CADM2: variants seen among roughly 807,000 people sequenced by gnomAD.
The protein encoded by CADM2 is immunoglobulin superfamily member 4D.
A neutral mutation model predicts 49.8 loss-of-function variants in CADM2; 12 were observed. That is an observed-to-expected ratio of 0.24 (90% CI 0.15 to 0.39). CADM2 has a LOEUF of 0.39. CADM2 is among the 10% of genes least tolerant of loss of function. The probability of loss-of-function intolerance (pLI) is 1.00; values close to 1 mark genes in which losing one functional copy is unlikely to be tolerated. For missense variants in CADM2, 378 were observed against 492.3 expected, an observed-to-expected ratio of 0.77 and a Z score of 2.20; for synonymous variants, 214 against 175.4, an observed-to-expected ratio of 1.22 and a Z score of -1.74.
intron 1 of CADM2, among the ~76,000 whole-genome samples, chr3:85,115,700 AG>A (rs1203256559): frequency 1.3e-5 from 2 of 152,206 alleles, no homozygotes; most frequent in African/African-American, 4.8e-5. Flanking sequence ...ATTAATATAC[AG>A]CTTTAATGTT....
chr3:85,854,146 A>G (rs2075214804), intron 3 of CADM2, among the ~76,000 whole-genome samples: 1 of 152,166 alleles, frequency 6.6e-6, no homozygotes, highest in African/African-American at 2.4e-5. Context: ...TTACTTGCTT[A>G]TTTATCCTGG....
intron 5 of CADM2, among the ~76,000 whole-genome samples, chr3:85,892,879 C>T (rs966133311): frequency 6.6e-6 from 1 of 152,092 alleles, no homozygotes; most frequent in Non-Finnish European, 1.5e-5. Context: ...TGCCTACAGA[C>T]TTGGAGGGCT....
At position 85,983,969 on chromosome 3, in the gene CADM2, C is replaced by A. The variant is rs190840927; in HGVS notation, c.970+22322C>A. Among the ~76,000 whole-genome samples, 593 of 150,330 alleles carry A rather than the reference C, an allele frequency of 3.9e-3. 2 individuals carry two copies. The highest frequency in any genetic ancestry group is 0.013 in the African/African-American group (535 of 41,118). ...TAATTTTTTACAGTGGCCTAACCAA[C>A]CTTAAAATTCAGATTATATATATAC... On this transcript the variant is annotated intron_variant, in intron 8 of 9. Transcript: ENST00000383699.
At chr3:85,039,498 A>C (rs2035355525) in intron 1 of CADM2, among the ~76,000 whole-genome samples, 1 of 152,018 alleles carries the variant, frequency 6.6e-6, no homozygotes, top group Non-Finnish European at 1.5e-5. Context: ...TAATTCAAGT[A>C]TTGCATACAT....
intron 1 of CADM2, among the ~76,000 whole-genome samples, chr3:85,118,116 T>C (rs1014772901): frequency 6.6e-6 from 1 of 152,060 alleles, no homozygotes; most frequent in Non-Finnish European, 1.5e-5. Context: ...AAGGGTTTTT[T>C]TTTCTTTTTT....
intron 1 of CADM2, among the ~76,000 whole-genome samples, chr3:85,512,609 A>C (rs891496839): frequency 2.0e-5 from 3 of 152,072 alleles, no homozygotes; most frequent in East Asian, 3.9e-4. Flanking sequence ...ATAAATTTTA[A>C]ATGCAAAACT....
chr3:85,087,482 T>G (rs530141283), intron 1 of CADM2, among the ~76,000 whole-genome samples: 1 of 152,322 alleles, frequency 6.6e-6, no homozygotes, highest in South Asian at 2.1e-4. Context: ...CTTCCAGGAT[T>G]ACCCTTCCAT....
chr3:85,717,397 A>G (rs2067333799), intron 1 of CADM2, among the ~76,000 whole-genome samples: 1 of 152,314 alleles, frequency 6.6e-6, no homozygotes, highest in East Asian at 1.9e-4. Context: ...TAGGGGGCTG[A>G]GATGATGGGC....
chr3:86,052,363 A>AT (rs1329204864), intron 8 of CADM2, among the ~76,000 whole-genome samples: 5 of 152,124 alleles, frequency 3.3e-5, no homozygotes, highest in African/African-American at 1.2e-4. Context: ...TTTTATTATT[A>AT]TAACATATAG....
At position 85,446,991 on chromosome 3, in the gene CADM2, CATATATATATATATATATATATATAT is replaced by C. The variant is rs141177883; in HGVS notation, c.62-279516_62-279491del. Among the ~76,000 whole-genome samples, 23 of 54,564 alleles carry C rather than the reference CATATATATATATATATATATATATAT, an allele frequency of 4.2e-4. 1 individual carries two copies. Among genetic ancestry groups the C allele is most frequent in the Admixed American group, 2.2e-3 (8 of 3,638 alleles). 35.8% of individuals were successfully genotyped at this position (54,564 alleles called of 152,430 possible). A position where few individuals can be genotyped will look rare whatever the true frequency, so the allele number is the denominator to read the frequency against. ...AATGACTTAAGCCTAATATGTATTG[CATATATATATATATATATATATATAT>C]ATATATATATATATGCTTAGTATAT... is the stretch of plus-strand genomic sequence containing the variant. On this transcript the variant is annotated intron_variant, in intron 1 of 9. Transcript: ENST00000383699.
intron 1 of CADM2, among the ~76,000 whole-genome samples, chr3:85,464,907 T>G (rs566799584): frequency 6.4e-4 from 98 of 152,200 alleles, no homozygotes; most frequent in Non-Finnish European, 1.1e-3. Flanking sequence ...CTCAGCACTT[T>G]GGGAGGCCGA....
chr3:86,062,050 T>C (rs1293951326), intron 8 of CADM2, among the ~76,000 whole-genome samples: 1 of 152,036 alleles, frequency 6.6e-6, no homozygotes, highest in Non-Finnish European at 1.5e-5. Context: ...ATCAAAAGCC[T>C]TTACAAAATA....
intron 1 of CADM2, among the ~76,000 whole-genome samples, chr3:85,098,422 T>G (rs535489942): frequency 6.6e-6 from 1 of 152,266 alleles, no homozygotes; most frequent in Admixed American, 6.5e-5. Context: ...TGTATAACCT[T>G]GCACAAGTCA....
intron 1 of CADM2, among the ~76,000 whole-genome samples, chr3:85,530,764 C>T (rs1165688204): frequency 6.6e-6 from 1 of 151,818 alleles, no homozygotes; most frequent in African/African-American, 2.4e-5. Context: ...TAGAAGGCAC[C>T]TAATACATTC....
chr3:85,850,665 A>C (rs544942153), intron 3 of CADM2, among the ~76,000 whole-genome samples: 7 of 152,080 alleles, frequency 4.6e-5, no homozygotes, highest in South Asian at 2.1e-4. Context: ...CTCTTTGTGG[A>C]TTGGAGTATT....
chr3:85,369,821 C>T (rs1010659669), intron 1 of CADM2, among the ~76,000 whole-genome samples: 5 of 152,074 alleles, frequency 3.3e-5, no homozygotes, highest in African/African-American at 1.2e-4. Flanking sequence ...TCAAGTGTCC[C>T]TTTGCTGAAG....
At chr3:85,728,630 A>C (rs552847010) in intron 2 of CADM2, among the ~76,000 whole-genome samples, 10 of 152,178 alleles carry the variant, frequency 6.6e-5, no homozygotes, top group Non-Finnish European at 1.3e-4. Context: ...CCTGGCCCAG[A>C]AAAAGTACTT....
chr3:85,559,952 G>T (rs551641064), intron 1 of CADM2, among the ~76,000 whole-genome samples: 1 of 152,172 alleles, frequency 6.6e-6, no homozygotes, highest in East Asian at 1.9e-4. Flanking sequence ...TCTCCCTAAA[G>T]AAAATAACAT....
At chr3:85,951,624 T>A (rs765408275) in intron 7 of CADM2, among the ~76,000 whole-genome samples, 1 of 151,044 alleles carries the variant, frequency 6.6e-6, no homozygotes, top group Non-Finnish European at 1.5e-5. Flanking sequence ...TGATAATACA[T>A]TGTGCATATT....
Sources: allele counts gnomAD v4.1 joint callset (sites outside exome capture counted in the v4.1 genomes callset), GRCh38; gene constraint gnomAD v4.1.1; transcripts MANE v1.5; gene names NCBI Gene and HGNC (gene_info 2026-07-23, HGNC 2026-07-21).